The following RPH3A variants were observed in gnomAD, a reference collection of about 807,000 sequenced individuals.
The protein encoded by RPH3A is rabphilin-3A.
RPH3A carries 48 observed loss-of-function variants against 102.2 expected under a neutral mutation model. The ratio of observed to expected loss-of-function variants is 0.47; its 90% confidence interval spans 0.37 to 0.60. The LOEUF (loss-of-function observed/expected upper bound fraction) is 0.60. Ranked by LOEUF, RPH3A falls within the 20% of genes least tolerant of loss-of-function variation. The pLI, the probability that RPH3A is intolerant of heterozygous loss-of-function variation, is 0.00. For missense variants in RPH3A, 781 were observed against 910.1 expected (o/e 0.86, Z 1.83); for synonymous variants, 310 against 324.3 (o/e 0.96, Z 0.47).
At chr12:112,865,998 A>G (rs2042604972) in intron 6 of RPH3A, among the ~76,000 whole-genome samples, 1 of 152,200 alleles carries the variant, frequency 6.6e-6, no homozygotes, top group African/African-American at 2.4e-5. Flanking sequence ...CTTCCAAAGC[A>G]TTTGTTCTCA....
intron 1 of RPH3A, among the ~76,000 whole-genome samples, chr12:112,729,451 G>A (rs1248654984): frequency 6.6e-6 from 1 of 152,118 alleles, no homozygotes; most frequent in African/African-American, 2.4e-5. Flanking sequence ...CTCCCAAAGT[G>A]CTAGGATTAC....
At chr12:112,802,110 G>A (rs749888598) in intron 2 of RPH3A, among the ~76,000 whole-genome samples, 23 of 152,182 alleles carry the variant, frequency 1.5e-4, no homozygotes, top group Middle Eastern at 3.2e-3. Context: ...TTCAGGACAG[G>A]AAGACTCATT....
chr12:112,841,579 A>G (rs934944841), intron 4 of RPH3A, among the ~76,000 whole-genome samples: 3 of 152,194 alleles, frequency 2.0e-5, no homozygotes, highest in Admixed American at 6.5e-5. Flanking sequence ...TACAAATATT[A>G]TTAACTCCAT....
chr12:112,690,295 G>A (rs766766912), intron 1 of RPH3A, among the ~76,000 whole-genome samples: 1 of 152,212 alleles, frequency 6.6e-6, no homozygotes, highest in African/African-American at 2.4e-5. Context: ...GCTTTGGGAA[G>A]CTTTAGGTGG....
At chr12:112,615,520 T>C (rs1004132813) in intron 1 of RPH3A, among the ~76,000 whole-genome samples, 1 of 152,176 alleles carries the variant, frequency 6.6e-6, no homozygotes, top group African/African-American at 2.4e-5. Flanking sequence ...AGCCAGCCCT[T>C]GTTAGGGACC....
chr12:112,581,790 T>C (rs2039402964), intron 1 of RPH3A, among the ~76,000 whole-genome samples: 1 of 148,282 alleles, frequency 6.7e-6, no homozygotes, highest in African/African-American at 2.5e-5. Context: ...GAACCAAAGC[T>C]GAACTGACAC....
intron 1 of RPH3A, among the ~76,000 whole-genome samples, chr12:112,742,858 C>T (rs1459996719): frequency 6.6e-6 from 1 of 152,100 alleles, no homozygotes; most frequent in Non-Finnish European, 1.5e-5. Flanking sequence ...CAGAATGGGC[C>T]TCAAAGGGCT....
chr12:112,826,103 C>T (rs931698090), intron 2 of RPH3A, among the ~76,000 whole-genome samples: 8 of 151,980 alleles, frequency 5.3e-5, no homozygotes, highest in Admixed American at 2.6e-4. Flanking sequence ...ACACCGACCC[C>T]GCTGTGGGAG....
rs58229294 is a variant in RPH3A, at chr12:112,755,298, T to TACACAC, written c.-139-36809_-139-36804dup. Among the ~76,000 whole-genome samples the TACACAC allele has an allele frequency of 2.3e-3, 329 of 145,882 alleles. 1 individual carries two copies. The highest frequency in any genetic ancestry group is 4.0e-3 in the Non-Finnish European group (266 of 66,606). On this transcript the variant is annotated intron_variant, in intron 1 of 21. Coordinates refer to the RPH3A transcript ENST00000543106. The stretch of plus-strand genomic sequence containing the variant: ...GTAAAATTGAATATATATATGTATA[T>TACACAC]ACACACACACACACACACACACACA...
At chr12:112,587,835 T>G (rs1219443740) in intron 1 of RPH3A, among the ~76,000 whole-genome samples, 1 of 152,174 alleles carries the variant, frequency 6.6e-6, no homozygotes, top group Non-Finnish European at 1.5e-5. Flanking sequence ...ATGGTGGGGC[T>G]GAGCAGAAGG....
chr12:112,870,718 C>A (rs1341431462), intron 10 of RPH3A, among the ~76,000 whole-genome samples: 1 of 152,144 alleles, frequency 6.6e-6, no homozygotes, highest in Admixed American at 6.5e-5. Flanking sequence ...CTGGCCTTCT[C>A]TTCCTGAATT....
At chr12:112,830,916 C>A (rs747951248) in intron 3 of RPH3A, among the ~76,000 whole-genome samples, 3 of 151,714 alleles carry the variant, frequency 2.0e-5, no homozygotes, top group Non-Finnish European at 4.4e-5. Context: ...GTGTGGTAAT[C>A]TTTGTCTTTT....
Position 112,896,711 on chromosome 12 carries a change from G to A in RPH3A, c.2016G>A (p.Leu672=). The change falls in exon 22 of 22, where the codon CTG becomes CTA. Residue 672 remains leucine (L), a synonymous_variant. Transcript: ENST00000389385. The part of the protein sequence containing the change: ...GERLKHWYEC[L]KNKDKKIERW... ...GCTTAAAACACTGGTACGAGTGTCT[G>A]AAAAATAAAGACAAGAAGATAGAGC... 1 of 1,614,128 alleles carries A rather than the reference G, an allele frequency of 6.2e-7. No homozygotes were observed. Among genetic ancestry groups the A allele is most frequent in the Non-Finnish European group, 8.5e-7 (1 of 1,180,016 alleles).
chr12:112,635,486 G>C (rs2039841919), intron 1 of RPH3A, among the ~76,000 whole-genome samples: 1 of 151,970 alleles, frequency 6.6e-6, no homozygotes, highest in African/African-American at 2.4e-5. Context: ...GCTTAGAATA[G>C]TGCCTGATGT....
At chr12:112,728,819 G>C (rs2040613530) in intron 1 of RPH3A, among the ~76,000 whole-genome samples, 2 of 152,200 alleles carry the variant, frequency 1.3e-5, no homozygotes, top group South Asian at 4.1e-4. Flanking sequence ...CAGGGGAGGG[G>C]TGAGGGGGTT....
intron 4 of RPH3A, among the ~76,000 whole-genome samples, chr12:112,838,400 C>G (rs190607840): frequency 6.6e-5 from 10 of 152,342 alleles, no homozygotes; most frequent in South Asian, 2.1e-4. Context: ...TCCCATTAGT[C>G]TGGTTGGGGT....
chr12:112,776,308 AC>A (rs775068392), intron 1 of RPH3A, among the ~76,000 whole-genome samples: 1 of 151,012 alleles, frequency 6.6e-6, no homozygotes, highest in Non-Finnish European at 1.5e-5. Context: ...ACTACAAAAA[AC>A]CCCCCCATAG....
At chr12:112,730,755 G>A (rs775623511) in intron 1 of RPH3A, among the ~76,000 whole-genome samples, 5 of 152,094 alleles carry the variant, frequency 3.3e-5, no homozygotes, top group East Asian at 1.9e-4. Flanking sequence ...GTTAACCAAC[G>A]TCATTGGAAG....
At chr12:112,579,610 A>C (rs2039382816) in intron 1 of RPH3A, among the ~76,000 whole-genome samples, 1 of 152,244 alleles carries the variant, frequency 6.6e-6, no homozygotes, top group Non-Finnish European at 1.5e-5. Context: ...TCATACAAGT[A>C]TATAGTTTAA....
Sources: gnomAD v4.1 joint callset for allele counts (sites outside exome capture counted in the v4.1 genomes callset) on GRCh38, gnomAD v4.1.1 for gene constraint, MANE v1.5 for transcripts, NCBI Gene and HGNC (gene_info 2026-07-23, HGNC 2026-07-21) for gene names.